MEF2C: variants seen among roughly 807,000 people sequenced by gnomAD.
MEF2C encodes myocyte-specific enhancer factor 2C.
Under a neutral mutation model 50.5 loss-of-function variants are expected in MEF2C, and 6 were observed. The observed-to-expected ratio is 0.12, with a 90% CI of 0.07 to 0.23. MEF2C has a LOEUF of 0.23. MEF2C is among the 10% of genes least tolerant of loss of function. The pLI is 1.00. For missense variants in MEF2C, 276 were observed against 605.0 expected, an observed-to-expected ratio of 0.46 and a Z score of 5.70; for synonymous variants, 183 against 228.0, an observed-to-expected ratio of 0.80 and a Z score of 1.78.
chr5:88,807,523 C>T (rs1030434091), intron 2 of MEF2C, among the ~76,000 whole-genome samples: 4 of 152,142 alleles, frequency 2.6e-5, no homozygotes, highest in African/African-American at 9.7e-5. Context: ...CATAAGCCAC[C>T]GTGCCTCGCC....
chr5:88,860,657 A>G (rs1825195459), intron 1 of MEF2C, among the ~76,000 whole-genome samples: 1 of 152,170 alleles, frequency 6.6e-6, no homozygotes, highest in African/African-American at 2.4e-5. Context: ...TGTTGGCCCC[A>G]CCACATGCAT....
At chr5:88,839,351 C>CTCTTTCTA in intron 1 of MEF2C, 1 of 146,400 alleles carries the variant, frequency 6.8e-6, no homozygotes, top group South Asian at 2.2e-4. Flanking sequence ...CTCTCTCTCT[C>CTCTTTCTA]TCTATCTATC....
chr5:88,754,526 A>G (rs753233186), intron 4 of MEF2C, among the ~76,000 whole-genome samples: 70 of 152,190 alleles, frequency 4.6e-4, no homozygotes, highest in Non-Finnish European at 7.3e-4. Flanking sequence ...CTCTAGATCT[A>G]GAACACTGGT....
In MEF2C at chr5:88,877,199, G is replaced by A. The variant is rs185780607; in HGVS notation, c.-143+5756C>T. 2.2e-3 allele frequency among the ~76,000 whole-genome samples: 339 copies of A among 152,008 alleles called. 2 individuals are homozygous for A. The highest frequency in any genetic ancestry group is 7.9e-3 in the African/African-American group (326 of 41,488). ...CTGTAATATGTTTACTGTTTTTATTGCTTGTAATGTCGTCAATTTCCTTTT... is the reference window on the plus strand; with the variant it reads ...CTGTAATATGTTTACTGTTTTTATTACTTGTAATGTCGTCAATTTCCTTTT... On this transcript the variant is annotated intron_variant, in intron 1 of 10. Transcript: ENST00000504921.
intron 5 of MEF2C, chr5:88,749,333 T>C (rs1771501033): frequency 1.0e-6 from 1 of 982,954 alleles, no homozygotes; most frequent in African/African-American, 1.7e-5. Context: ...GAATCTTTTT[T>C]CTAAGAAAGT....
At chr5:88,869,276 T>TGCATATATATATATATATAC (rs1828544515) in intron 1 of MEF2C, among the ~76,000 whole-genome samples, 1 of 101,738 alleles carries the variant, frequency 9.8e-6, no homozygotes, top group Non-Finnish European at 1.9e-5. Context: ...TATATATATA[T>TGCATATATATATATATATAC]ACATATATAT....
In MEF2C at chr5:88,722,065, A is replaced by G. The variant is rs538156877; in HGVS notation, c.*539T>C. The G allele has an allele frequency of 6.5e-6, 1 of 152,760 alleles. No individual in the cohort carries two copies. Among genetic ancestry groups the G allele is most frequent in the African/African-American group, 2.4e-5 (1 of 41,512 alleles). The allele number at this position is 152,760 out of a possible 1,614,324, so 9.5% of individuals were successfully genotyped here. On this transcript the variant is annotated 3_prime_UTR_variant, in exon 11 of 11. Coordinates refer to ENST00000504921, the MANE Select transcript of MEF2C (RefSeq NM_002397.5). The stretch of plus-strand genomic sequence containing the variant: ...TAATGGTCTCTGATCCTTTTTAATG[A>G]GTGCCATACGCCAATGATATGCCTG...
rs183725102 is a variant in MEF2C, at chr5:88,786,031, T to C, written c.258+18567A>G. 9.1e-4 allele frequency among the ~76,000 whole-genome samples: 138 copies of C among 152,264 alleles called. 1 individual carries two copies. The highest frequency in any genetic ancestry group is 1.2e-4 in the Non-Finnish European group (8 of 68,026). ...TCCTCTCCATTTTCCTTGGCACGAC[T>C]GAGAGCCAGGCTATTTTTAGTTAAG... On this transcript the variant is annotated intron_variant, in intron 3 of 10. Coordinates refer to ENST00000504921, the MANE Select transcript of MEF2C (RefSeq NM_002397.5).
chr5:88,813,069 G>T (rs1262454043), intron 2 of MEF2C, among the ~76,000 whole-genome samples: 1 of 152,092 alleles, frequency 6.6e-6, no homozygotes, highest in Non-Finnish European at 1.5e-5. Flanking sequence ...GAGCCAGTTG[G>T]TTTCTAGGTT....
At chr5:88,887,734 A>G (rs1441969857), upstream of MEF2C, 1 of 152,266 alleles carries the variant, frequency 6.6e-6, no homozygotes, top group African/African-American at 2.4e-5. Context: ...TGTTTTGAAT[A>G]TAAGACAACT....
At chr5:88,814,907 T>C (rs1310424108) in intron 2 of MEF2C, among the ~76,000 whole-genome samples, 1 of 152,098 alleles carries the variant, frequency 6.6e-6, no homozygotes, top group East Asian at 1.9e-4. Context: ...TAAGAGATTT[T>C]ACTGTGGCCC....
At chr5:88,829,934 T>C (rs945070309) in intron 1 of MEF2C, among the ~76,000 whole-genome samples, 3 of 152,010 alleles carry the variant, frequency 2.0e-5, no homozygotes, top group African/African-American at 7.2e-5. Context: ...ACTGGGAACA[T>C]GGCCTGCTGC....
chr5:88,853,426 A>G (rs1164070777), intron 1 of MEF2C, among the ~76,000 whole-genome samples: 1 of 152,190 alleles, frequency 6.6e-6, no homozygotes. Flanking sequence ...TTAGCTCCAT[A>G]ATGCCTAGAC....
rs115908820 is a variant in MEF2C, at chr5:88,868,677, T to A, written c.-143+14278A>T. ...GAGAGGCTATGACAACCCACATGATTCAACTAGAACATTCTTATCAGTTCA... is the reference window on the plus strand; with the variant it reads ...GAGAGGCTATGACAACCCACATGATACAACTAGAACATTCTTATCAGTTCA... On this transcript the variant is annotated intron_variant, in intron 1 of 10. Transcript: ENST00000504921. 6.0e-3 allele frequency among the ~76,000 whole-genome samples: 908 copies of A among 152,302 alleles called. 4 individuals carry two copies. The highest frequency in any genetic ancestry group is 0.02 in the African/African-American group (821 of 41,568).
At chr5:88,790,297 A>G (rs1423083319) in intron 3 of MEF2C, among the ~76,000 whole-genome samples, 1 of 152,346 alleles carries the variant, frequency 6.6e-6, no homozygotes, top group South Asian at 2.1e-4. Context: ...ACACACTTTC[A>G]AATTCCATGA....
At chr5:88,843,452 A>G (rs1818164767) in intron 1 of MEF2C, 1 of 985,220 alleles carries the variant, frequency 1.0e-6, no homozygotes, top group Non-Finnish European at 1.2e-6. Flanking sequence ...AAAATGAGGC[A>G]GACCAATTAT....
At chr5:88,851,919 C>A (rs1374806123) in intron 1 of MEF2C, among the ~76,000 whole-genome samples, 3 of 152,066 alleles carry the variant, frequency 2.0e-5, no homozygotes, top group Admixed American at 6.6e-5. Flanking sequence ...GCAATCAATA[C>A]AATCAGACTC....
chr5:88,839,323 C>A (rs1581423575), intron 1 of MEF2C: 1 of 52,800 alleles, frequency 1.9e-5, no homozygotes, highest in Non-Finnish European at 5.6e-5. Flanking sequence ...GCCACATTAT[C>A]TCTCTCTCTC....
At chr5:88,779,849 A>G (rs1166716161) in intron 3 of MEF2C, among the ~76,000 whole-genome samples, 1 of 151,702 alleles carries the variant, frequency 6.6e-6, no homozygotes, top group African/African-American at 2.4e-5. Flanking sequence ...TAATATAAGA[A>G]TTTGCAGGCC....
Sources: gnomAD v4.1 joint callset for allele counts (sites outside exome capture counted in the v4.1 genomes callset) on GRCh38, gnomAD v4.1.1 for gene constraint, MANE v1.5 for transcripts, NCBI Gene and HGNC (gene_info 2026-07-23, HGNC 2026-07-21) for gene names.